NEK9: variants seen among roughly 807,000 people sequenced by gnomAD.
NEK9 encodes the protein serine/threonine-protein kinase Nek9.
Under a neutral mutation model 123.4 loss-of-function variants are expected in NEK9, and 75 were observed. The observed-to-expected ratio is 0.61, with a 90% CI of 0.50 to 0.74. The LOEUF is 0.74. NEK9 is among the 30% of genes least tolerant of loss of function. NEK9 has a pLI of 0.00. For synonymous variants in NEK9, 438 were observed against 458.7 expected (o/e 0.95, Z 0.58); for missense variants, 952 against 1,214.4 (o/e 0.78, Z 3.21).
intron 18 of NEK9, 32 bp from the exon 19 acceptor site, chr14:75,091,510 T>C: frequency 6.7e-7 from 1 of 1,495,234 alleles, no homozygotes; most frequent in Non-Finnish European, 8.9e-7. Context: ...AATAGACAGC[T>C]TTGCTATGCA....
chr14:75,113,361 G>T lies in NEK9; in HGVS notation c.916C>A (p.Pro306Thr). The T allele has an allele frequency of 6.2e-7, 1 of 1,613,758 alleles. No homozygotes were observed. Among genetic ancestry groups the T allele is most frequent in the South Asian group, 1.1e-5 (1 of 91,058 alleles). Residue 306 changes from proline (P) to threonine (T), a missense_variant, in exon 8 of 22, where the codon CCT becomes ACT. Transcript: ENST00000238616. ...RPTADELLDR[P>T]LLRKRRREME... is the part of the protein sequence containing the mutation. ...TACCTCCTGCGTTTCCTGAGAAGAG[G>T]GCGATCTAGAAGTTCATCTGCAGTA...
chr14:75,103,739 T>C, intron 14 of NEK9, 103 bp downstream of exon 14: 1 of 1,297,984 alleles, frequency 7.7e-7, no homozygotes, highest in Non-Finnish European at 1.1e-6. Flanking sequence ...AGACCATAAC[T>C]AAAGTCAAAT....
At chr14:75,112,360 G>C (rs1894984787) in intron 8 of NEK9, among the ~76,000 whole-genome samples, 1 of 152,200 alleles carries the variant, frequency 6.6e-6, no homozygotes, top group South Asian at 2.1e-4. Flanking sequence ...AAACCTCCTA[G>C]AGGAACAGAG....
intron 6 of NEK9, among the ~76,000 whole-genome samples, chr14:75,114,626 T>G (rs1468663553): frequency 2.0e-5 from 3 of 152,188 alleles, no homozygotes; most frequent in African/African-American, 7.2e-5. Flanking sequence ...CCTTGTTGGC[T>G]TCATGTAGTT....
intron 20 of NEK9, 85 bp from the exon 21 acceptor site, chr14:75,087,315 T>G (rs1894061822): frequency 1.1e-6 from 1 of 942,992 alleles, no homozygotes; most frequent in South Asian, 1.5e-5. Flanking sequence ...TGCAATCGGA[T>G]TTTACTTTTA....
At chr14:75,127,079 T>C, upstream of NEK9, 2 of 582,810 alleles carry the variant, frequency 3.4e-6, no homozygotes, top group South Asian at 4.8e-5. Context: ...GAAACAGTTC[T>C]CTGTGTTTCC....
intron 2 of NEK9, among the ~76,000 whole-genome samples, chr14:75,122,789 CTTTTTTTTTTTTT>C (rs35799337): frequency 1.2e-5 from 1 of 80,106 alleles, no homozygotes; most frequent in African/African-American, 5.3e-5. Context: ...CCACGCCCAG[CTTTTTTTTTTTTT>C]TTTTTTTTTT....
At chr14:75,119,289 G>A (rs1036585649) in intron 4 of NEK9, among the ~76,000 whole-genome samples, 5 of 151,656 alleles carry the variant, frequency 3.3e-5, no homozygotes, top group African/African-American at 9.7e-5. Context: ...TTCCAGCCTG[G>A]GCAACAGGGT....
At position 75,126,923 on chromosome 14, in the gene NEK9, G is replaced by A; in HGVS notation, c.-2C>T. The A allele has an allele frequency of 1.4e-6, 2 of 1,459,940 alleles. No individual in the cohort carries two copies. Among genetic ancestry groups the A allele is most frequent in the Non-Finnish European group, 9.1e-7 (1 of 1,099,606 alleles). The allele number at this position is 1,459,940 out of a possible 1,614,324, so 90.4% of individuals were successfully genotyped here. On this transcript the variant is annotated 5_prime_UTR_variant, in exon 1 of 22. Coordinates refer to ENST00000238616, the MANE Select transcript of NEK9 (RefSeq NM_033116.6). ...CTCGTACTCGCCCAGCACCGACATGGCGGCGGCCGCGGGCCTTGGGGACCA... is the reference window on the plus strand; with the variant it reads ...CTCGTACTCGCCCAGCACCGACATGACGGCGGCCGCGGGCCTTGGGGACCA...
intron 6 of NEK9, among the ~76,000 whole-genome samples, chr14:75,114,569 T>C (rs761688056): frequency 3.9e-5 from 6 of 152,180 alleles, no homozygotes; most frequent in Non-Finnish European, 5.9e-5. Context: ...TATTATAATC[T>C]GACCTTTCAA....
intron 18 of NEK9, among the ~76,000 whole-genome samples, chr14:75,093,874 C>T (rs577534857): frequency 4.6e-5 from 7 of 152,284 alleles, no homozygotes; most frequent in East Asian, 1.9e-4. Context: ...ATGGTTATAA[C>T]GCATTTAATC....
At chr14:75,105,904 G>A (rs780856309) in intron 13 of NEK9, 46 bp downstream of exon 13, 1 of 1,439,282 alleles carries the variant, frequency 6.9e-7, no homozygotes, top group East Asian at 2.3e-5. Flanking sequence ...ATTGGAGTCT[G>A]TGCGACTTAA....
intron 14 of NEK9, 152 bp from the exon 15 acceptor site, chr14:75,101,917 C>G (rs1404124454): frequency 3.5e-6 from 2 of 573,630 alleles, no homozygotes; most frequent in Non-Finnish European, 6.3e-6. Flanking sequence ...CCATCTCCAA[C>G]AGAAAACAAG....
rs1266548095 is a variant in NEK9 at position 75,088,485 on chromosome 14, C to A, written c.2599G>T (p.Ala867Ser). 1.2e-6 allele frequency: 2 copies of A among 1,613,400 alleles called. No homozygotes were observed. Among genetic ancestry groups the A allele is most frequent in the Admixed American group, 3.3e-5 (2 of 59,906 alleles). The change falls in exon 20 of 22, where the codon GCC becomes TCC. Residue 867 changes from alanine to serine, a missense_variant. Around this residue, in one of 4 missense-constraint regions of NEK9, gnomAD observed 698 missense variants for 875.6 expected, o/e 0.80. Transcript: ENST00000238616. The part of the protein sequence containing the change: ...APLEHKPQVE[A>S]SSPRLNPAVT... Reference sequence around the variant, plus strand: ...AAGGCAAAAAGCTCAGTTACCGAGGCTTCTACTTGGGGTTTGTGTTCCAAA... The same window carrying A: ...AAGGCAAAAAGCTCAGTTACCGAGGATTCTACTTGGGGTTTGTGTTCCAAA...
chr14:75,119,010 TATTA>T, intron 4 of NEK9, 75 bp from the exon 5 acceptor site: 1 of 846,580 alleles, frequency 1.2e-6, no homozygotes. Context: ...TGCCCAGGAT[TATTA>T]CAGAATAAAA....
chr14:75,121,401 A>T (rs868167550), intron 2 of NEK9, among the ~76,000 whole-genome samples: 1 of 152,156 alleles, frequency 6.6e-6, no homozygotes, highest in Non-Finnish European at 1.5e-5. Context: ...AGGCGTAATT[A>T]AAAAAAAGAC....
At chr14:75,114,182 G>C in intron 7 of NEK9, 21 bp downstream of exon 7, 3 of 1,536,476 alleles carry the variant, frequency 2.0e-6, no homozygotes, top group Non-Finnish European at 2.7e-6. Context: ...AAACTGAAGT[G>C]AATGTTTAAG....
At chr14:75,124,273 A>G in intron 1 of NEK9, 50 bp from the exon 2 acceptor site, 1 of 1,542,316 alleles carries the variant, frequency 6.5e-7, no homozygotes, top group South Asian at 1.1e-5. Flanking sequence ...CTGGCAGCAA[A>G]TGAATCCACA....
At chr14:75,116,761 A>AT (rs895001133) in intron 6 of NEK9, among the ~76,000 whole-genome samples, 3 of 149,194 alleles carry the variant, frequency 2.0e-5, no homozygotes, top group African/African-American at 5.0e-5. Context: ...CAAGTTGGAG[A>AT]TTTTTTTGAG....
Sources: allele counts gnomAD v4.1 joint callset (sites outside exome capture counted in the v4.1 genomes callset), GRCh38; gene constraint gnomAD v4.1.1; regional missense constraint gnomAD v4.1.1; transcripts MANE v1.5; gene names NCBI Gene and HGNC (gene_info 2026-07-23, HGNC 2026-07-21).